The following REDIC1 variants were observed in gnomAD, a reference collection of about 807,000 sequenced individuals.
REDIC1 encodes regulator of DNA class I crossover intermediates 1, also known as HEI10 Interacting Protein 1.
chr12:39,766,733 C>T, the REDIC1 span, among the ~76,000 whole-genome samples: 2 of 152,088 alleles, frequency 1.3e-5, no homozygotes, highest in Non-Finnish European at 1.5e-5. Flanking sequence ...CAACAATGTT[C>T]ATAGCACTTT....
chr12:39,883,134 A>G, the REDIC1 span, among the ~76,000 whole-genome samples: 1 of 152,200 alleles, frequency 6.6e-6, no homozygotes, highest in Non-Finnish European at 1.5e-5. Flanking sequence ...AGTATATATC[A>G]TTAAATTTTA....
chr12:39,684,056 A>G, the REDIC1 span: 1 of 762,656 alleles, frequency 1.3e-6, no homozygotes, highest in Non-Finnish European at 1.6e-6. Context: ...TCAAGATTAC[A>G]ATCTCCTCTA....
At chr12:39,747,422 T>A in the REDIC1 span, among the ~76,000 whole-genome samples, 1 of 152,196 alleles carries the variant, frequency 6.6e-6, no homozygotes, top group Non-Finnish European at 1.5e-5. Flanking sequence ...AATACGGGAC[T>A]ATGTGAAAAG....
At chr12:39,712,047 T>G in the REDIC1 span, among the ~76,000 whole-genome samples, 18 of 140,196 alleles carry the variant, frequency 1.3e-4, no homozygotes, top group East Asian at 3.9e-3. Flanking sequence ...TATACCTACC[T>G]GTATGTATAT....
chr12:39,901,636 A>T, the REDIC1 span, among the ~76,000 whole-genome samples: 761 of 126,744 alleles, frequency 6.0e-3, 6 homozygotes, highest in African/African-American at 0.022. Flanking sequence ...TCAAAACCAC[A>T]ATGAGATACC....
chr12:39,680,480 G>C, the REDIC1 span, among the ~76,000 whole-genome samples: 2 of 152,074 alleles, frequency 1.3e-5, no homozygotes, highest in Non-Finnish European at 2.9e-5. Flanking sequence ...AAAAATAATA[G>C]ATGTTGGCAT....
the REDIC1 span, among the ~76,000 whole-genome samples, chr12:39,752,384 C>A: frequency 6.6e-6 from 1 of 152,052 alleles, no homozygotes; most frequent in Non-Finnish European, 1.5e-5. Context: ...TGATCTGGGG[C>A]GGAACAGTTT....
chr12:39,685,067 T>G, the REDIC1 span: 4 of 538,920 alleles, frequency 7.4e-6, no homozygotes, highest in Non-Finnish European at 1.2e-5. Context: ...TTCTTATACT[T>G]TTTTATTCTG....
the REDIC1 span, among the ~76,000 whole-genome samples, chr12:39,824,119 G>T: frequency 1.3e-5 from 2 of 152,136 alleles, no homozygotes; most frequent in African/African-American, 4.8e-5. Flanking sequence ...ATAGAAATTA[G>T]AATTTATAAT....
At chr12:39,720,176 C>A in the REDIC1 span, among the ~76,000 whole-genome samples, 1 of 151,752 alleles carries the variant, frequency 6.6e-6, no homozygotes, top group African/African-American at 2.4e-5. Flanking sequence ...TTTTATATAA[C>A]AGTTGAGATA....
the REDIC1 span, chr12:39,647,835 G>A: frequency 6.2e-7 from 1 of 1,604,392 alleles, no homozygotes; most frequent in Non-Finnish European, 8.5e-7. Context: ...CCTCAGTTCA[G>A]CAAAATAGAG....
chr12:39,830,827 A>AT, the REDIC1 span, among the ~76,000 whole-genome samples: 10 of 152,192 alleles, frequency 6.6e-5, no homozygotes, highest in African/African-American at 2.2e-4. Flanking sequence ...CTGAGTATCA[A>AT]TTATGGATTA....
chr12:39,766,871 A>G, the REDIC1 span, among the ~76,000 whole-genome samples: 2 of 152,048 alleles, frequency 1.3e-5, no homozygotes, highest in African/African-American at 2.4e-5. Flanking sequence ...CGCTTCTACA[A>G]TAGTTCTCTT....
chr12:39,653,688 T>C, the REDIC1 span, among the ~76,000 whole-genome samples: 1 of 151,930 alleles, frequency 6.6e-6, no homozygotes, highest in Non-Finnish European at 1.5e-5. Flanking sequence ...CTTTGCTAAC[T>C]AGAGCCTCCA....
the REDIC1 span, among the ~76,000 whole-genome samples, chr12:39,746,538 C>G: frequency 6.6e-6 from 1 of 152,206 alleles, no homozygotes; most frequent in African/African-American, 2.4e-5. Context: ...GAAACCTCTG[C>G]AGACTTAAAT....
the REDIC1 span, among the ~76,000 whole-genome samples, chr12:39,867,469 C>A: frequency 8.6e-5 from 13 of 150,416 alleles, no homozygotes; most frequent in Middle Eastern, 3.4e-3. Context: ...AAAACAAAAA[C>A]AAAAACAAAA....
the REDIC1 span, among the ~76,000 whole-genome samples, chr12:39,810,863 T>C: frequency 6.6e-6 from 1 of 152,150 alleles, no homozygotes; most frequent in Admixed American, 6.5e-5. Context: ...ACAAGGGAGA[T>C]ACTGCGATGT....
At chr12:39,831,132 A>G in the REDIC1 span, among the ~76,000 whole-genome samples, 1 of 152,200 alleles carries the variant, frequency 6.6e-6, no homozygotes, top group African/African-American at 2.4e-5. Flanking sequence ...CTAAAGATGA[A>G]TAAGCCCAAA....
chr12:39,895,877 TGTATATGCGTGTATATGCAC>T, the REDIC1 span, among the ~76,000 whole-genome samples: 28,878 of 122,416 alleles, frequency 0.24, 11,130 homozygotes, highest in East Asian at 0.51. Flanking sequence ...CACACACATA[TGTATATGCGTGTATATGCAC>T]ACACATATGT....
Sources: allele counts gnomAD v4.1 joint callset (sites outside exome capture counted in the v4.1 genomes callset), GRCh38; gene constraint gnomAD v4.1.1; transcripts MANE v1.5; gene names NCBI Gene and HGNC (gene_info 2026-07-23, HGNC 2026-07-21).